TIAM1: variants seen among roughly 807,000 people sequenced by gnomAD.
TIAM1 encodes TIAM Rac1 associated GEF 1, also known as rho guanine nucleotide exchange factor TIAM1.
In TIAM1, 65 loss-of-function variants were observed where a neutral mutation model predicts 163.5. That is an observed-to-expected ratio of 0.40 (90% CI 0.33 to 0.49). The LOEUF is 0.49. TIAM1 is among the 20% of genes least tolerant of loss of function. TIAM1 has a pLI of 0.77. For synonymous variants in TIAM1, 833 were observed against 810.1 expected (o/e 1.03, Z -0.48); for missense variants, 1,789 against 2,044.7 (o/e 0.87, Z 2.41).
In TIAM1 at chr21:31,452,825, G is replaced by A. The variant is rs1021377730; in HGVS notation, c.-369+11158C>T. On this transcript the variant is annotated intron_variant, in intron 2 of 28. Transcript: ENST00000286827. ...TGAGTGAGCAGGAAGAGGAGCTTGA[G>A]GATGACCCTACGATAGTCAAAGACT... 5.7e-6 allele frequency: 3 copies of A among 530,754 alleles called. No individual in the cohort carries two copies. The African/African-American group carries it at 5.8e-5, about 10-fold the overall frequency. The allele number at this position is 530,754 out of a possible 1,614,324, so 32.9% of individuals were successfully genotyped here. A position where few individuals can be genotyped will look rare whatever the true frequency, so the allele number is the denominator to read the frequency against.
intron 2 of TIAM1, among the ~76,000 whole-genome samples, chr21:31,413,824 G>T (rs930452045): frequency 1.3e-5 from 2 of 152,216 alleles, no homozygotes; most frequent in Non-Finnish European, 2.9e-5. Flanking sequence ...CTTCCACAGG[G>T]TTCCAGTGCT....
chr21:31,296,632 G>A (rs940669019), intron 2 of TIAM1, among the ~76,000 whole-genome samples: 6 of 151,998 alleles, frequency 3.9e-5, no homozygotes, highest in Non-Finnish European at 8.8e-5. Flanking sequence ...GGGAGTCCAG[G>A]GTCCTTTTAG....
intron 2 of TIAM1, among the ~76,000 whole-genome samples, chr21:31,416,778 ACC>A (rs528274003): frequency 8.5e-4 from 129 of 152,320 alleles, no homozygotes; most frequent in Non-Finnish European, 1.6e-3. Context: ...AGCGCTCTCA[ACC>A]ACTTTGCTTA....
At chr21:31,382,811 C>T (rs200685862) in intron 2 of TIAM1, among the ~76,000 whole-genome samples, 1 of 152,204 alleles carries the variant, frequency 6.6e-6, no homozygotes, top group Non-Finnish European at 1.5e-5. Flanking sequence ...AACAACGACC[C>T]ATGTGTCATT....
chr21:31,298,016 TA>T lies in TIAM1; in HGVS notation c.-188-21109del, dbSNP rs1569182514. 2.0e-5 allele frequency among the ~76,000 whole-genome samples: 3 copies of T among 152,318 alleles called. No homozygotes were observed. The South Asian group carries it at 6.2e-4, about 32-fold the overall frequency. ...TCATAATTTGAAAAACGTTTCTATG[TA>T]CATTAGATAATCTAATCATCACAGC... On this transcript the variant is annotated intron_variant, in intron 2 of 27. Coordinates refer to ENST00000541036, the MANE Select transcript of TIAM1 (RefSeq NM_001353694.2).
In TIAM1 at chr21:31,223,415, A is replaced by G. The variant is rs1437541163; in HGVS notation, c.1986T>C (p.Phe662=). 2.5e-6 allele frequency: 4 copies of G among 1,611,572 alleles called. No individual in the cohort carries two copies. In the African/African-American group the frequency reaches 4.0e-5, roughly 16 times the overall value. ...GRLGIFSVSS[F]HALVAARTGE... ...ATTAGCTTCTACTCACCAGGGCATGAAACGATGATACCGAAAAGATTCCAA... is the reference window on the plus strand; with the variant it reads ...ATTAGCTTCTACTCACCAGGGCATGGAACGATGATACCGAAAAGATTCCAA... The change falls in exon 8 of 28, where the codon TTT becomes TTC. Residue 662 remains phenylalanine, a synonymous_variant. Transcript: ENST00000541036.
intron 2 of TIAM1, among the ~76,000 whole-genome samples, chr21:31,449,542 C>G (rs958079923): frequency 1.3e-5 from 2 of 151,690 alleles, no homozygotes; most frequent in Admixed American, 6.6e-5. Context: ...CCACACCCAG[C>G]TAATTTTTTA....
intron 1 of TIAM1, among the ~76,000 whole-genome samples, chr21:31,544,957 A>G (rs1427350474): frequency 3.3e-5 from 5 of 151,770 alleles, no homozygotes; most frequent in Admixed American, 6.6e-5. Flanking sequence ...AGCTTGCAGT[A>G]AGCCAAGATC....
chr21:31,517,772 T>C (rs2047432791), intron 1 of TIAM1, among the ~76,000 whole-genome samples: 1 of 152,216 alleles, frequency 6.6e-6, no homozygotes, highest in Non-Finnish European at 1.5e-5. Flanking sequence ...GATGTCCTTC[T>C]TGTACCAGGA....
chr21:31,199,649 G>A (rs2086090357), intron 12 of TIAM1, among the ~76,000 whole-genome samples: 1 of 151,618 alleles, frequency 6.6e-6, no homozygotes, highest in Non-Finnish European at 1.5e-5. Flanking sequence ...TCCTGCCTCA[G>A]CTTCCTGAAT....
intron 4 of TIAM1, among the ~76,000 whole-genome samples, chr21:31,258,752 T>C (rs926615892): frequency 6.6e-6 from 1 of 151,070 alleles, no homozygotes; most frequent in African/African-American, 2.4e-5. Flanking sequence ...GAGGCGGAGG[T>C]TGCAGTGAGC....
upstream of TIAM1, among the ~76,000 whole-genome samples, chr21:31,344,679 G>C (rs183836451): frequency 7.2e-5 from 11 of 152,334 alleles, no homozygotes; most frequent in Admixed American, 6.5e-4. Context: ...GAAAAGGAGT[G>C]AAGGGCAGAA....
At chr21:31,397,156 G>A (rs1007504370) in intron 2 of TIAM1, among the ~76,000 whole-genome samples, 9 of 152,126 alleles carry the variant, frequency 5.9e-5, no homozygotes, top group Non-Finnish European at 1.0e-4. Flanking sequence ...CATCAAAGAG[G>A]TAATGAAAGG....
At chr21:31,546,417 G>A (rs1288799784) in intron 1 of TIAM1, among the ~76,000 whole-genome samples, 1 of 152,052 alleles carries the variant, frequency 6.6e-6, no homozygotes, top group African/African-American at 2.4e-5. Flanking sequence ...AGGCATGGTG[G>A]CGCATGCCTG....
At chr21:31,394,687 TTCTCTCTCTCTCTCTCTCTCGCTCTC>T (rs2077023544) in intron 2 of TIAM1, among the ~76,000 whole-genome samples, 1 of 103,958 alleles carries the variant, frequency 9.6e-6, no homozygotes, top group African/African-American at 3.8e-5. Flanking sequence ...AATCTACTCA[TTCTCTCTCTCTCTCTCTCTCGCTCTC>T]TCTCTCTCTC....
chr21:31,154,597 T>A (rs2833308), intron 16 of TIAM1, among the ~76,000 whole-genome samples, 171 bp from the exon 17 acceptor site: 37,742 of 152,096 alleles, frequency 0.25, 5,061 homozygotes, highest in African/African-American at 0.35. Context: ...TGAATGCTCA[T>A]AACAACCAGG....
chr21:31,442,087 A>ATATATATATATG (rs1273070445), intron 2 of TIAM1, among the ~76,000 whole-genome samples: 2 of 127,210 alleles, frequency 1.6e-5, no homozygotes, highest in Admixed American at 8.2e-5. Context: ...ATATATATAT[A>ATATATATATATG]GAACAATAAG....
intron 19 of TIAM1, among the ~76,000 whole-genome samples, chr21:31,150,658 GGA>G (rs2083331065): frequency 6.6e-6 from 1 of 151,954 alleles, no homozygotes; most frequent in Admixed American, 6.6e-5. Flanking sequence ...AGTAAACACA[GGA>G]AAAAATCTTT....
chr21:31,316,048 C>T (rs1002197530), intron 2 of TIAM1, among the ~76,000 whole-genome samples: 1 of 151,556 alleles, frequency 6.6e-6, no homozygotes, highest in Non-Finnish European at 1.5e-5. Flanking sequence ...AAAATACGGC[C>T]GACTGTCAAT....
Sources: gnomAD v4.1 joint callset for allele counts (sites outside exome capture counted in the v4.1 genomes callset) on GRCh38, gnomAD v4.1.1 for gene constraint, MANE v1.5 for transcripts, NCBI Gene and HGNC (gene_info 2026-07-23, HGNC 2026-07-21) for gene names.